The following SLC20A1 variants were observed in gnomAD, a reference collection of about 807,000 sequenced individuals.
The protein encoded by SLC20A1 is sodium-dependent phosphate transporter 1.
In SLC20A1, 28 loss-of-function variants were observed where a neutral mutation model predicts 62.7. The observed-to-expected ratio is 0.45, with a 90% CI of 0.33 to 0.61. The LOEUF (loss-of-function observed/expected upper bound fraction) is 0.61. Ranked by LOEUF, SLC20A1 falls within the 20% of genes least tolerant of loss-of-function variation. The pLI is 0.02. For missense variants in SLC20A1, 673 were observed against 838.6 expected (o/e 0.80, Z 2.44); for synonymous variants, 305 against 302.9 (o/e 1.01, Z -0.07).
In SLC20A1 at chr2:112,646,688, G is replaced by T. The variant is rs979306569; in HGVS notation, c.-141G>T. On this transcript the variant is annotated 5_prime_UTR_variant, in exon 2 of 11. Transcript: ENST00000272542. ...GCGTATAGCAGTAACTCCCCAGCTC[G>T]GTTTCTGTGCCGTAGTTTACAGTAT... 6 of 331,400 alleles carry T rather than the reference G, an allele frequency of 1.8e-5. No homozygotes were observed. Among genetic ancestry groups the T allele is most frequent in the Admixed American group, 4.9e-5 (1 of 20,498 alleles). 20.5% of individuals were successfully genotyped at this position (331,400 alleles called of 1,614,324 possible).
chr2:112,652,609 C>A, intron 4 of SLC20A1, 93 bp from the exon 5 acceptor site: 1 of 977,838 alleles, frequency 1.0e-6, no homozygotes, highest in Non-Finnish European at 1.6e-6. Flanking sequence ...GTTATTGGCA[C>A]TATAATTCCC....
At chr2:112,649,087 A>G (rs1340033162) in intron 4 of SLC20A1, among the ~76,000 whole-genome samples, 3 of 152,024 alleles carry the variant, frequency 2.0e-5, no homozygotes, top group Admixed American at 6.6e-5. Context: ...TGTGTGTTTC[A>G]CCTCCACAAA....
chr2:112,654,999 C>T (rs1330306027), intron 5 of SLC20A1, among the ~76,000 whole-genome samples: 6 of 140,068 alleles, frequency 4.3e-5, no homozygotes, highest in East Asian at 2.3e-4. Flanking sequence ...GACAGAGTCT[C>T]GCCCTGTCAC....
At chr2:112,660,917 TG>T (rs1408638142) in intron 9 of SLC20A1, 93 of 504,428 alleles carry the variant, frequency 1.8e-4, no homozygotes, top group Non-Finnish European at 1.1e-4. Flanking sequence ...TATTTAATAG[TG>T]GGATTCCAGA....
rs371613434 is a variant in SLC20A1 at position 112,654,964 on chromosome 2, A to AT, written c.659-2136dup. Among the ~76,000 whole-genome samples the AT allele has an allele frequency of 8.4e-3, 753 of 89,362 alleles. 24 individuals carry two copies. Among genetic ancestry groups the AT allele is most frequent in the African/African-American group, 0.026 (659 of 25,368 alleles). 58.6% of individuals were successfully genotyped at this position (89,362 alleles called of 152,430 possible). ...TTGAAGGGACCTCAATTTGTTTCTA[A>AT]TTTTTTTTTTTTTTTTTTTTTTGAG... On this transcript the variant is annotated intron_variant, in intron 5 of 10. Coordinates refer to ENST00000272542, the MANE Select transcript of SLC20A1 (RefSeq NM_005415.5).
Position 112,647,088 on chromosome 2 carries a change from A to C in SLC20A1, c.260A>C (p.Lys87Thr), listed in dbSNP as rs1458976372. Residue 87 changes from lysine to threonine, a missense_variant, in exon 2 of 11, where the codon AAG (lysine) becomes ACG (threonine). Transcript: ENST00000272542. The stretch of plus-strand genomic sequence containing the variant: ...GCCAAAGTGAGCGAAACCATCCGGA[A>C]GGGCTTGATTGACGTGGAGATGTAC... ...LGAKVSETIRKGLIDVEMYNS... is the reference protein window; with the variant it reads ...LGAKVSETIRTGLIDVEMYNS... 6.8e-6 allele frequency: 11 copies of C among 1,614,094 alleles called. No homozygotes were observed. The highest frequency in any genetic ancestry group is 8.5e-6 in the Non-Finnish European group (10 of 1,180,044).
At chr2:112,652,942 G>C in intron 5 of SLC20A1, 144 bp downstream of exon 5, 1 of 1,568,034 alleles carries the variant, frequency 6.4e-7, no homozygotes, top group Non-Finnish European at 8.7e-7. Flanking sequence ...AAGGCTGCAG[G>C]CTAGTGTACG....
chr2:112,658,108 G>GA (rs749423330), intron 6 of SLC20A1, among the ~76,000 whole-genome samples: 103 of 152,308 alleles, frequency 6.8e-4, no homozygotes, highest in African/African-American at 1.9e-3. Flanking sequence ...TGCACGGTGG[G>GA]AACCAGGCTT....
chr2:112,653,013 G>GAGGAAAGGTCTGTAGTGATTT, intron 5 of SLC20A1: 1 of 1,191,058 alleles, frequency 8.4e-7, no homozygotes, highest in Non-Finnish European at 1.2e-6. Flanking sequence ...AATCACTACA[G>GAGGAAAGGTCTGTAGTGATTT]ACCTTTCCTC....
At chr2:112,659,850 C>T (rs937608975) in intron 8 of SLC20A1, 88 bp downstream of exon 8, 1 of 1,159,746 alleles carries the variant, frequency 8.6e-7, no homozygotes, top group African/African-American at 1.5e-5. Context: ...AGTGGTACTC[C>T]TAGCATTTAC....
At position 112,646,793 on chromosome 2, in the gene SLC20A1, A is replaced by C; in HGVS notation, c.-36A>C. On this transcript the variant is annotated 5_prime_UTR_variant, in exon 2 of 11. Coordinates refer to ENST00000272542, the MANE Select transcript of SLC20A1 (RefSeq NM_005415.5). ...TGTTTACACATCTTGAAAGGCGCTC[A>C]GTAGTTCTCTTACTAAACAACCACT... 6.8e-7 allele frequency: 1 copy of C among 1,480,326 alleles called. No homozygotes were observed. The highest frequency in any genetic ancestry group is 9.3e-7 in the Non-Finnish European group (1 of 1,072,962). The allele number at this position is 1,480,326 out of a possible 1,614,324, so 91.7% of individuals were successfully genotyped here.
chr2:112,657,493 A>G (rs78529499), intron 6 of SLC20A1, among the ~76,000 whole-genome samples: 7,017 of 152,284 alleles, frequency 0.046, 322 homozygotes, highest in Non-Finnish European at 0.065. Flanking sequence ...TGTAGAGACA[A>G]TCTGGGGCAT....
At position 112,663,275 on chromosome 2, in the gene SLC20A1, T is replaced by G; in HGVS notation, c.*250T>G. On this transcript the variant is annotated 3_prime_UTR_variant, in exon 11 of 11. Coordinates refer to ENST00000272542, the MANE Select transcript of SLC20A1 (RefSeq NM_005415.5). The stretch of plus-strand genomic sequence containing the variant: ...TCCCCTTTCCTTCTGGGCTGTGAAT[T>G]CCTGTACATATTTCTCTACTTTTTG... 1 of 543,038 alleles carries G rather than the reference T, an allele frequency of 1.8e-6. No homozygotes were observed. Among genetic ancestry groups the G allele is most frequent in the Admixed American group, 2.6e-5 (1 of 38,670 alleles). The allele number at this position is 543,038 out of a possible 1,614,324, so 33.6% of individuals were successfully genotyped here.
chr2:112,657,281 T>C (rs2104648251), intron 6 of SLC20A1, 40 bp downstream of exon 6: 1 of 1,577,376 alleles, frequency 6.3e-7, no homozygotes, highest in Non-Finnish European at 8.6e-7. Context: ...TAACTACTAA[T>C]GTTGTGTTTA....
At chr2:112,657,389 GT>G in intron 6 of SLC20A1, 148 bp downstream of exon 6, 1 of 837,414 alleles carries the variant, frequency 1.2e-6, no homozygotes, top group Non-Finnish European at 1.8e-6. Flanking sequence ...TGTCCAAACT[GT>G]TTTTAGAAAT....
At position 112,646,953 on chromosome 2, in the gene SLC20A1, A is replaced by G. The variant is rs2104639636; in HGVS notation, c.125A>G (p.Asn42Ser). 5.0e-6 allele frequency: 8 copies of G among 1,614,124 alleles called. No homozygotes were observed. Among genetic ancestry groups the G allele is most frequent in the South Asian group, 1.1e-5 (1 of 91,080 alleles). The change falls in exon 2 of 11, where the codon AAT (asparagine) becomes AGT (serine). Residue 42 changes from asparagine (N) to serine (S), a missense_variant. Coordinates refer to ENST00000272542, the MANE Select transcript of SLC20A1 (RefSeq NM_005415.5). ...AFVLAFSVGA[N>S]DVANSFGTAV... ...GTCTTGGCATTCTCCGTGGGAGCCA[A>G]TGATGTAGCAAATTCTTTTGGTACA...
At chr2:112,653,044 C>T in intron 5 of SLC20A1, 4 of 847,670 alleles carry the variant, frequency 4.7e-6, no homozygotes, top group Non-Finnish European at 7.4e-6. Flanking sequence ...ACAGGATCCA[C>T]TGATAATATG....
chr2:112,650,883 A>G (rs1031163065), intron 4 of SLC20A1, among the ~76,000 whole-genome samples: 5 of 151,956 alleles, frequency 3.3e-5, no homozygotes, highest in African/African-American at 7.3e-5. Flanking sequence ...CATCCTCCCA[A>G]AGTGCTAGGA....
intron 4 of SLC20A1, among the ~76,000 whole-genome samples, chr2:112,650,165 A>G (rs929455722): frequency 1.3e-5 from 2 of 152,250 alleles, no homozygotes; most frequent in African/African-American, 2.4e-5. Context: ...TATGCTATAC[A>G]GGATAATAAA....
Sources: allele counts gnomAD v4.1 joint callset (sites outside exome capture counted in the v4.1 genomes callset), GRCh38; gene constraint gnomAD v4.1.1; transcripts MANE v1.5; gene names NCBI Gene and HGNC (gene_info 2026-07-23, HGNC 2026-07-21).